The following ARAP2 variants were observed in gnomAD, a reference collection of about 807,000 sequenced individuals.
The protein encoded by ARAP2 is ArfGAP with RhoGAP domain, ankyrin repeat and PH domain 2.
Under a neutral mutation model 194.5 loss-of-function variants are expected in ARAP2, and 148 were observed. The ratio of observed to expected loss-of-function variants is 0.76; its 90% confidence interval spans 0.67 to 0.87. The LOEUF is 0.87. Among genes scored for constraint, ARAP2 ranks in the 40% least tolerant of loss-of-function variants. ARAP2 has a pLI of 0.00. For missense variants in ARAP2, 2,128 were observed against 1,989.7 expected, an observed-to-expected ratio of 1.07 and a Z score of -1.32; for synonymous variants, 695 against 683.5, an observed-to-expected ratio of 1.02 and a Z score of -0.26.
At chr4:36,090,936 G>T in intron 28 of ARAP2, among the ~76,000 whole-genome samples, 1 of 152,114 alleles carries the variant, frequency 6.6e-6, no homozygotes, top group Non-Finnish European at 1.5e-5. Context: ...AAAGAAAAAT[G>T]CTGTTAACCT....
chr4:36,014,224 C>CGGAAGAAAGAAAGGAAGAAA lies in ARAP2; in HGVS notation n.1056+1161_1056+1162insTTTCTTCCTTTCTTTCTTCC, dbSNP rs1392259044. ...CCTAGGTGACAAAGTGAGACCCTATCGAAAGAAAGAAAGAAAGAAAGAAAG... is the reference window on the plus strand; with the variant it reads ...CCTAGGTGACAAAGTGAGACCCTATCGGAAGAAAGAAAGGAAGAAAGAAAGAAAGAAAGAAAGAAAGAAAG... On this transcript the variant is annotated intron_variant and non_coding_transcript_variant, in intron 8 of 12. Transcript: ENST00000503225. 4.5e-3 allele frequency among the ~76,000 whole-genome samples: 280 copies of CGGAAGAAAGAAAGGAAGAAA among 61,698 alleles called. 28 individuals are homozygous for CGGAAGAAAGAAAGGAAGAAA. Among genetic ancestry groups the CGGAAGAAAGAAAGGAAGAAA allele is most frequent in the Middle Eastern group, 0.017 (2 of 120 alleles). The allele number at this position is 61,698 out of a possible 152,430, so 40.5% of individuals were successfully genotyped here. A position where few individuals can be genotyped will look rare whatever the true frequency, so the allele number is the denominator to read the frequency against.
At chr4:36,070,677 A>T (rs1158765679) in intron 32 of ARAP2, among the ~76,000 whole-genome samples, 1 of 152,230 alleles carries the variant, frequency 6.6e-6, no homozygotes, top group Non-Finnish European at 1.5e-5. Flanking sequence ...TTAGGACACC[A>T]AAAAGTAATA....
chr4:36,117,726 G>T (rs1216187712), intron 24 of ARAP2, among the ~76,000 whole-genome samples: 1 of 151,480 alleles, frequency 6.6e-6, no homozygotes, highest in Non-Finnish European at 1.5e-5. Flanking sequence ...ATGGAATATG[G>T]CAGACAATAA....
At chr4:36,147,402 T>A (rs769897420) in intron 18 of ARAP2, 43 bp from the exon 19 acceptor site, 57 of 1,600,974 alleles carry the variant, frequency 3.6e-5, no homozygotes, top group Non-Finnish European at 4.5e-5. Flanking sequence ...TTTAAAACAC[T>A]GTAATAAACA....
intron 5 of ARAP2, among the ~76,000 whole-genome samples, chr4:36,045,686 G>T (rs926816809): frequency 1.3e-5 from 2 of 152,092 alleles, no homozygotes; most frequent in Non-Finnish European, 2.9e-5. Context: ...ATTGTTAAAA[G>T]AATCGATTTT....
intron 20 of ARAP2, among the ~76,000 whole-genome samples, chr4:36,131,750 C>A (rs773424863): frequency 6.6e-6 from 1 of 151,564 alleles, no homozygotes; most frequent in Non-Finnish European, 1.5e-5. Flanking sequence ...ATGAAGATTC[C>A]CAATAAGGTT....
At chr4:36,141,952 C>T (rs1007256492) in intron 19 of ARAP2, among the ~76,000 whole-genome samples, 1 of 151,582 alleles carries the variant, frequency 6.6e-6, no homozygotes, top group African/African-American at 2.4e-5. Flanking sequence ...GAGATGAAAA[C>T]AAGGGTGGTA....
At chr4:36,238,157 T>G (rs998776755) in intron 1 of ARAP2, among the ~76,000 whole-genome samples, 1 of 152,180 alleles carries the variant, frequency 6.6e-6, no homozygotes, top group African/African-American at 2.4e-5. Context: ...TCCCTCAATG[T>G]GGTCATCTCT....
intron 2 of ARAP2, among the ~76,000 whole-genome samples, chr4:36,052,509 TTTTA>T (rs1340783618): frequency 7.2e-5 from 11 of 152,382 alleles, no homozygotes; most frequent in Middle Eastern, 6.8e-3. Flanking sequence ...TCCTGAATAC[TTTTA>T]TTGACATAAA....
intron 6 of ARAP2, among the ~76,000 whole-genome samples, chr4:36,200,199 A>AATTAAAGATAT (rs1360592690): frequency 6.6e-6 from 1 of 152,062 alleles, no homozygotes; most frequent in African/African-American, 2.4e-5. Flanking sequence ...ATTAAAGATA[A>AATTAAAGATAT]AACTTTACAC....
At chr4:36,090,048 A>T (rs1431847588) in intron 28 of ARAP2, among the ~76,000 whole-genome samples, 1 of 152,058 alleles carries the variant, frequency 6.6e-6, no homozygotes, top group East Asian at 1.9e-4. Flanking sequence ...ATATTTGATA[A>T]ACACAATCAG....
chr4:36,133,197 G>A (rs1053050823), intron 20 of ARAP2, 29 bp downstream of exon 20: 4 of 1,606,334 alleles, frequency 2.5e-6, no homozygotes, highest in Non-Finnish European at 3.4e-6. Context: ...TCAGTTCTAA[G>A]GGTTGAATAA....
chr4:36,082,737 T>C (rs1415813467), intron 29 of ARAP2, among the ~76,000 whole-genome samples: 2 of 152,154 alleles, frequency 1.3e-5, no homozygotes, highest in East Asian at 3.9e-4. Context: ...ATAAATGATG[T>C]TCATGATACT....
At chr4:36,136,202 T>C (rs1244711709) in intron 19 of ARAP2, among the ~76,000 whole-genome samples, 2 of 151,818 alleles carry the variant, frequency 1.3e-5, no homozygotes, top group African/African-American at 4.8e-5. Context: ...ACTTTGAGAT[T>C]TCAAGTGTTA....
chr4:36,157,081 G>A (rs1451533122), intron 15 of ARAP2, among the ~76,000 whole-genome samples: 1 of 151,990 alleles, frequency 6.6e-6, no homozygotes, highest in Non-Finnish European at 1.5e-5. Context: ...AACCACAATT[G>A]CCAAAAAATA....
intron 3 of ARAP2, chr4:36,047,255 G>A (rs1321594960): frequency 6.6e-6 from 1 of 152,280 alleles, no homozygotes; most frequent in Non-Finnish European, 1.5e-5. Context: ...CCCAGTGCCT[G>A]AGCAACCAAT....
At chr4:36,129,482 TC>T (rs1724869242) in intron 20 of ARAP2, among the ~76,000 whole-genome samples, 1 of 151,930 alleles carries the variant, frequency 6.6e-6, no homozygotes, top group African/African-American at 2.4e-5. Context: ...TTAACAATGT[TC>T]TTTTTTTTCT....
chr4:36,128,698 T>C lies in ARAP2; in HGVS notation c.3475A>G (p.Ile1159Val), dbSNP rs1286258333. 1.9e-6 allele frequency: 3 copies of C among 1,612,566 alleles called. No individual in the cohort carries two copies. The highest frequency in any genetic ancestry group is 2.5e-6 in the Non-Finnish European group (3 of 1,179,296). The change falls in exon 21 of 33, where the codon ATA (isoleucine) becomes GTA (valine). Residue 1159 changes from isoleucine (I) to valine (V), a missense_variant. By Grantham distance (29) the Ile-to-Val change is conservative (BLOSUM62 3). Transcript: ENST00000303965. Reference protein sequence around the residue: ...IYQKNGDPLHISELLESFKKD... With the variant: ...IYQKNGDPLHVSELLESFKKD... ...TTGAAACTCTCCAGGAGTTCACTTA[T>C]ATGCAAAGGATCACCATTCTTTTGA...
chr4:36,103,896 T>A (rs1409975482), intron 27 of ARAP2, among the ~76,000 whole-genome samples: 1 of 151,890 alleles, frequency 6.6e-6, no homozygotes, highest in Admixed American at 6.6e-5. Context: ...TTTTAGCAAA[T>A]TTTTTATATA....
Sources: allele counts gnomAD v4.1 joint callset (sites outside exome capture counted in the v4.1 genomes callset), GRCh38; gene constraint gnomAD v4.1.1; transcripts MANE v1.5; gene names NCBI Gene and HGNC (gene_info 2026-07-23, HGNC 2026-07-21).